Variants in GINS3 observed in about 807,000 individuals in gnomAD.
The protein encoded by GINS3 is DNA replication complex GINS protein PSF3.
GINS3 carries 18 observed loss-of-function variants against 20.0 expected under a neutral mutation model. The observed-to-expected ratio is 0.90, with a 90% CI of 0.62 to 1.33. The LOEUF is 1.33. Among genes scored for constraint, GINS3 ranks in the 40% most tolerant of loss-of-function variants. GINS3 has a pLI of 0.00. For missense variants in GINS3, 254 were observed against 273.6 expected (o/e 0.93, Z 0.51); for synonymous variants, 109 against 107.0 (o/e 1.02, Z -0.12).
intron 1 of GINS3, among the ~76,000 whole-genome samples, chr16:58,396,268 C>T (rs1965855671): frequency 2.4e-5 from 3 of 124,520 alleles, no homozygotes; most frequent in South Asian, 2.6e-4. Context: ...GGGGGGCTGA[C>T]TCCCCCACCT....
chr16:58,404,337 G>A, intron 2 of GINS3, 162 bp from the exon 3 acceptor site: 1 of 613,958 alleles, frequency 1.6e-6, no homozygotes, highest in Admixed American at 3.0e-5. Context: ...GCATGGCAAT[G>A]TGCAATAACT....
intron 1 of GINS3, among the ~76,000 whole-genome samples, chr16:58,399,065 G>C (rs1299112224): frequency 4.0e-5 from 6 of 151,616 alleles, no homozygotes; most frequent in Non-Finnish European, 5.9e-5. Flanking sequence ...TGTAACCCTA[G>C]CACTTTGGGA....
chr16:58,400,749 T>TA (rs554089926), intron 1 of GINS3, among the ~76,000 whole-genome samples: 17 of 147,994 alleles, frequency 1.1e-4, no homozygotes, highest in African/African-American at 2.0e-4. Context: ...TTTTAGCACA[T>TA]AAAAAAAAAA....
intron 1 of GINS3, among the ~76,000 whole-genome samples, chr16:58,396,017 A>G (rs1197602159): frequency 7.0e-6 from 1 of 143,562 alleles, no homozygotes; most frequent in Non-Finnish European, 1.5e-5. Context: ...GGGGCTCCTC[A>G]CTTTCCAGTA....
Position 58,404,858 on chromosome 16 carries a change from A to G in GINS3, c.*129A>G. The G allele has an allele frequency of 1.4e-6, 1 of 695,082 alleles. No individual in the cohort carries two copies. The highest frequency in any genetic ancestry group is 2.7e-5 in the East Asian group (1 of 36,960). The allele number at this position is 695,082 out of a possible 1,614,324, so 43.1% of individuals were successfully genotyped here. A position where few individuals can be genotyped will look rare whatever the true frequency, so the allele number is the denominator to read the frequency against. On this transcript the variant is annotated 3_prime_UTR_variant, in exon 3 of 3. Coordinates refer to ENST00000318129, the MANE Select transcript of GINS3 (RefSeq NM_022770.4). ...TGGCTTATTTCCTGTGGCCATAGAG[A>G]ATTATAGGGAACTGGACATGCTGGA...
chr16:58,396,033 G>A (rs1368290759), intron 1 of GINS3, among the ~76,000 whole-genome samples: 8 of 148,034 alleles, frequency 5.4e-5, no homozygotes, highest in South Asian at 2.2e-4. Context: ...CAGTAGGGGC[G>A]GCCGGGCAGA....
At chr16:58,401,126 C>T (rs1056479015) in intron 1 of GINS3, among the ~76,000 whole-genome samples, 1 of 152,046 alleles carries the variant, frequency 6.6e-6, no homozygotes. Context: ...CTTGGTCTCG[C>T]TGGTCTCGCT....
chr16:58,398,223 ATTTCT>A (rs1965910355), intron 1 of GINS3, among the ~76,000 whole-genome samples: 1 of 152,116 alleles, frequency 6.6e-6, no homozygotes, highest in African/African-American at 2.4e-5. Flanking sequence ...ATAGCTATTC[ATTTCT>A]TTTAAGTGAA....
At chr16:58,401,391 C>T (rs963906492) in intron 1 of GINS3, among the ~76,000 whole-genome samples, 1 of 152,132 alleles carries the variant, frequency 6.6e-6, no homozygotes, top group Non-Finnish European at 1.5e-5. Context: ...AAAGCTTCCA[C>T]AGCGTGGAAG....
Position 58,396,081 on chromosome 16 carries a change from C to T in GINS3, c.186+3294C>T, listed in dbSNP as rs549398728. ...CTCCCGGACGGGGCGGCTGGCCGGG[C>T]GGGGGGCTGACTCCCCCACCTCCCT... is the stretch of plus-strand genomic sequence containing the variant. On this transcript the variant is annotated intron_variant, in intron 1 of 2. Transcript: ENST00000318129. Among the ~76,000 whole-genome samples, 824 of 132,756 alleles carry T rather than the reference C, an allele frequency of 6.2e-3. 12 individuals carry two copies. The highest frequency in any genetic ancestry group is 0.021 in the African/African-American group (734 of 34,314). The allele number at this position is 132,756 out of a possible 152,430, so 87.1% of individuals were successfully genotyped here. A position where few individuals can be genotyped will look rare whatever the true frequency, so the allele number is the denominator to read the frequency against.
intron 2 of GINS3, 55 bp downstream of exon 2, chr16:58,403,386 C>T: frequency 7.3e-7 from 1 of 1,370,150 alleles, no homozygotes; most frequent in East Asian, 2.3e-5. Context: ...GAGCCAGCCA[C>T]AGATACTACT....
intron 1 of GINS3, among the ~76,000 whole-genome samples, chr16:58,397,132 T>C (rs1479841093): frequency 7.7e-6 from 1 of 129,888 alleles, no homozygotes; most frequent in Admixed American, 7.4e-5. Flanking sequence ...TCCCAGACGG[T>C]GTAGCTGCCG....
chr16:58,404,580 C>T lies in GINS3; in HGVS notation c.502C>T (p.Leu168=). 1.2e-6 allele frequency: 2 copies of T among 1,614,140 alleles called. No homozygotes were observed. The highest frequency in any genetic ancestry group is 1.7e-6 in the Non-Finnish European group (2 of 1,180,004). The change falls in exon 3 of 3, where the codon CTA becomes TTA. Residue 168 remains leucine (L), a synonymous_variant. Transcript: ENST00000318129. The part of the protein sequence containing the change: ...NEDTSALVAR[L]DEMERGLFQT... ...AGACACTTCAGCCCTGGTAGCCAGG[C>T]TAGACGAGATGGAGAGGGGCTTATT...
intron 1 of GINS3, 196 bp from the exon 2 acceptor site, chr16:58,402,902 C>T (rs1371105369): frequency 3.4e-6 from 2 of 587,604 alleles, no homozygotes; most frequent in South Asian, 2.1e-5. Context: ...CATTTTCTCT[C>T]TCCATTCCAT....
At chr16:58,399,254 T>G (rs912580899) in intron 1 of GINS3, among the ~76,000 whole-genome samples, 1 of 149,486 alleles carries the variant, frequency 6.7e-6, no homozygotes, top group Admixed American at 6.7e-5. Flanking sequence ...ACCACTGCAC[T>G]CCAGCCTGGG....
At chr16:58,402,128 A>G (rs975621018) in intron 1 of GINS3, among the ~76,000 whole-genome samples, 2 of 152,112 alleles carry the variant, frequency 1.3e-5, no homozygotes, top group East Asian at 1.9e-4. Context: ...ACCTTTTCTC[A>G]TTCACAGTCC....
intron 2 of GINS3, 32 bp from the exon 3 acceptor site, chr16:58,404,467 A>G (rs1488040811): frequency 6.8e-7 from 1 of 1,476,028 alleles, no homozygotes; most frequent in Non-Finnish European, 9.5e-7. Context: ...TGTGAGGTCA[A>G]CCCTGACTTG....
intron 1 of GINS3, among the ~76,000 whole-genome samples, chr16:58,402,295 A>C (rs569845099): frequency 1.3e-5 from 2 of 152,168 alleles, no homozygotes; most frequent in African/African-American, 4.8e-5. Flanking sequence ...TTCGGTGTCA[A>C]ATAGGGGGCT....
chr16:58,397,625 C>T (rs1051517256), intron 1 of GINS3, among the ~76,000 whole-genome samples: 6 of 152,126 alleles, frequency 3.9e-5, no homozygotes, highest in African/African-American at 9.7e-5. Flanking sequence ...GCCAACACAG[C>T]GAAACCCCGT....
Sources: allele counts gnomAD v4.1 joint callset (sites outside exome capture counted in the v4.1 genomes callset), GRCh38; gene constraint gnomAD v4.1.1; transcripts MANE v1.5; gene names NCBI Gene and HGNC (gene_info 2026-07-23, HGNC 2026-07-21).